Variants in C3orf18 observed in about 807,000 individuals in gnomAD.
C3orf18 encodes the protein chromosome 3 open reading frame 18.
Under a neutral mutation model 14.1 loss-of-function variants are expected in C3orf18, and 12 were observed. The observed-to-expected ratio is 0.85, with a 90% CI of 0.55 to 1.38. C3orf18 has a LOEUF of 1.38. Ranked by LOEUF, C3orf18 falls within the 40% of genes most tolerant of loss-of-function variation. The probability of loss-of-function intolerance (pLI) is 0.00; values close to 1 mark genes in which losing one functional copy is unlikely to be tolerated. For synonymous variants in C3orf18, 82 were observed against 87.9 expected (o/e 0.93, Z 0.38); for missense variants, 196 against 213.9 (o/e 0.92, Z 0.52).
Position 50,558,229 on chromosome 3 carries a change from C to G in C3orf18, c.*1428G>C, listed in dbSNP as rs1209223083. The G allele has an allele frequency of 6.4e-6, 1 of 156,644 alleles. No individual in the cohort carries two copies. Among genetic ancestry groups the G allele is most frequent in the Non-Finnish European group, 1.4e-5 (1 of 70,830 alleles). The allele number at this position is 156,644 out of a possible 1,614,324, so 9.7% of individuals were successfully genotyped here. A position where few individuals can be genotyped will look rare whatever the true frequency, so the allele number is the denominator to read the frequency against. ...TTTCCCTCCTGACACATGGCATTTGCCCAGTGGAAGGTCTGCATACACTAC... is the reference window on the plus strand; with the variant it reads ...TTTCCCTCCTGACACATGGCATTTGGCCAGTGGAAGGTCTGCATACACTAC... On this transcript the variant is annotated 3_prime_UTR_variant, in exon 6 of 6. Transcript: ENST00000357203.
At chr3:50,571,760 A>G (rs546951180), upstream of C3orf18, 4 of 1,614,194 alleles carry the variant, frequency 2.5e-6, no homozygotes, top group Non-Finnish European at 3.4e-6. Flanking sequence ...CCTCTCAGCA[A>G]CTACAGTGTA....
chr3:50,562,705 C>T (rs553888659), intron 3 of C3orf18: 29 of 360,316 alleles, frequency 8.0e-5, no homozygotes, highest in Middle Eastern at 5.7e-4. Flanking sequence ...GGGAGGCTGA[C>T]GGCCCCCAGT....
At chr3:50,571,169 G>A (rs373670579), upstream of C3orf18, 54 of 1,613,428 alleles carry the variant, frequency 3.3e-5, 1 homozygote, top group Middle Eastern at 1.6e-4. Flanking sequence ...GGAAGTACCC[G>A]GGGCTGGGCC....
chr3:50,560,827 G>C, intron 5 of C3orf18, 90 bp downstream of exon 5: 1 of 1,380,224 alleles, frequency 7.2e-7, no homozygotes, highest in East Asian at 2.3e-5. Context: ...CACAAGGCAG[G>C]TGCTAGAAAG....
upstream of C3orf18, among the ~76,000 whole-genome samples, chr3:50,568,706 C>T (rs1470543839): frequency 2.7e-5 from 2 of 75,112 alleles, no homozygotes; most frequent in African/African-American, 1.1e-4. Flanking sequence ...GCCTGCGCAA[C>T]AAGAGCAAAA....
At chr3:50,560,616 T>G (rs35655236) in intron 5 of C3orf18, among the ~76,000 whole-genome samples, 15,326 of 152,246 alleles carry the variant, frequency 0.1, 959 homozygotes, top group Non-Finnish European at 0.13. Flanking sequence ...ATTAGGATTT[T>G]CAATTGTGGA....
chr3:50,572,114 G>C, upstream of C3orf18: 1 of 1,613,982 alleles, frequency 6.2e-7, no homozygotes, highest in Non-Finnish European at 8.5e-7. Context: ...CCCCTCTGCA[G>C]GATGCCGGTG....
chr3:50,566,551 G>A (rs1032822680), intron 1 of C3orf18, among the ~76,000 whole-genome samples: 2 of 152,138 alleles, frequency 1.3e-5, no homozygotes, highest in East Asian at 1.9e-4. Flanking sequence ...CAGTCACAAA[G>A]GGGAGCCAAG....
At chr3:50,568,733 A>G (rs1257529439), upstream of C3orf18, among the ~76,000 whole-genome samples, 1 of 151,108 alleles carries the variant, frequency 6.6e-6, no homozygotes. Flanking sequence ...CTCAAAAAAA[A>G]AAAAAAAAAA....
upstream of C3orf18, among the ~76,000 whole-genome samples, chr3:50,572,896 G>A (rs759193624): frequency 5.9e-5 from 9 of 152,206 alleles, no homozygotes; most frequent in African/African-American, 1.4e-4. Flanking sequence ...GCCAGAGGGC[G>A]CAGACCAGGG....
At chr3:50,559,808 A>C (rs1319721601) in intron 5 of C3orf18, 71 bp from the exon 6 acceptor site, 2 of 969,884 alleles carry the variant, frequency 2.1e-6, no homozygotes, top group Non-Finnish European at 2.9e-6. Context: ...GGTCACCTCC[A>C]CCCTCACTTC....
rs1699834989 is a variant in C3orf18 at position 50,559,471 on chromosome 3, T to C, written c.*186A>G. The C allele has an allele frequency of 1.4e-6, 2 of 1,419,696 alleles. No homozygotes were observed. Among genetic ancestry groups the C allele is most frequent in the Non-Finnish European group, 9.2e-7 (1 of 1,086,246 alleles). 87.9% of individuals were successfully genotyped at this position (1,419,696 alleles called of 1,614,324 possible). On this transcript the variant is annotated 3_prime_UTR_variant, in exon 6 of 6. Transcript: ENST00000357203. ...GAAGTCAGTGGTCAGAAGTCCAGCC[T>C]GGCTAGGGCCCTCTCTTAGAGTCTA...
intron 3 of C3orf18, among the ~76,000 whole-genome samples, chr3:50,564,221 T>C (rs1039889021): frequency 1.3e-5 from 2 of 152,232 alleles, no homozygotes; most frequent in Admixed American, 1.3e-4. Flanking sequence ...AATCCTACCA[T>C]TGCCAGGCAT....
chr3:50,568,513 A>C (rs1165066478), upstream of C3orf18, among the ~76,000 whole-genome samples: 1 of 152,070 alleles, frequency 6.6e-6, no homozygotes, highest in Non-Finnish European at 1.5e-5. Flanking sequence ...GATCACCTGA[A>C]GTCAGGAGTT....
chr3:50,564,636 C>T (rs187522521), intron 3 of C3orf18, among the ~76,000 whole-genome samples: 106 of 152,334 alleles, frequency 7.0e-4, no homozygotes, highest in African/African-American at 2.4e-3. Flanking sequence ...GTAAGAACCA[C>T]AGGGCAGGAC....
upstream of C3orf18, chr3:50,570,750 A>G (rs1700861937): frequency 5.2e-6 from 1 of 191,730 alleles, no homozygotes; most frequent in African/African-American, 2.3e-5. Flanking sequence ...AGCCCACTCC[A>G]GCTAAAAATG....
chr3:50,566,807 C>T (rs540119421), intron 1 of C3orf18, among the ~76,000 whole-genome samples: 1 of 152,284 alleles, frequency 6.6e-6, no homozygotes, highest in Non-Finnish European at 1.5e-5. Context: ...TCTTCCTTTA[C>T]CCTCCTCCCC....
intron 3 of C3orf18, among the ~76,000 whole-genome samples, chr3:50,564,062 A>G (rs1700145167): frequency 6.6e-6 from 1 of 152,236 alleles, no homozygotes; most frequent in African/African-American, 2.4e-5. Context: ...CCCTGGCAGC[A>G]ATCTGGAGCC....
rs1175644736 is a variant in C3orf18 at position 50,560,959 on chromosome 3, G to C, written c.366C>G (p.Ala122=). The part of the protein sequence containing the change: ...QELLEHGRDA[A]SVQAATSVQA... ...GCACAGAAGTAGCAGCCTGTACAGA[G>C]GCGGCGTCCCGCCCATGCTCCAGCA... The change falls in exon 5 of 6, where the codon GCC becomes GCG. Residue 122 remains alanine, a synonymous_variant. Transcript: ENST00000357203. 1 of 1,613,992 alleles carries C rather than the reference G, an allele frequency of 6.2e-7. No homozygotes were observed. Among genetic ancestry groups the C allele is most frequent in the Non-Finnish European group, 8.5e-7 (1 of 1,180,006 alleles).
Sources: allele counts gnomAD v4.1 joint callset (sites outside exome capture counted in the v4.1 genomes callset), GRCh38; gene constraint gnomAD v4.1.1; transcripts MANE v1.5; gene names NCBI Gene and HGNC (gene_info 2026-07-23, HGNC 2026-07-21).